Variants in CT55 observed in about 807,000 individuals in gnomAD.
CT55 encodes BRCA2-interacting protein.
CT55 carries 1 observed loss-of-function variant against 12.6 expected under a neutral mutation model. The observed-to-expected ratio is 0.08, with a 90% confidence interval of 0.03 to 0.38. CT55 has a LOEUF of 0.38. CT55 is among the 10% of genes least tolerant of loss of function. The pLI, the probability that CT55 is intolerant of heterozygous loss-of-function variation, is 0.99. For missense variants in CT55, 109 were observed against 135.4 expected (o/e 0.80, Z 0.97); for synonymous variants, 43 against 49.7 (o/e 0.87, Z 0.57).
intron 2 of CT55, among the ~76,000 whole-genome samples, chrX:135,161,857 G>A (rs1483650323): frequency 8.9e-6 from 1 of 112,502 alleles, no homozygotes; most frequent in Non-Finnish European, 1.9e-5. Context: ...ATGAAGGAAT[G>A]AGGCATTAGC....
chrX:135,170,311 A>G (rs2083605520), intron 1 of CT55, among the ~76,000 whole-genome samples: 1 of 112,635 alleles, frequency 8.9e-6, no homozygotes. Context: ...CCAGCTTACG[A>G]ATATTAACTG....
chrX:135,171,244 G>A lies in CT55; in HGVS notation c.-73C>T. On this transcript the variant is annotated 5_prime_UTR_variant, in exon 1 of 6. Coordinates refer to ENST00000276241, the MANE Select transcript of CT55 (RefSeq NM_001031705.3). ...GCACGAGGCCTCCTCAGTAAGGGAA[G>A]CCCTCAGGTCACGGCGTCTCCTCAG... is the stretch of plus-strand genomic sequence containing the variant. 4 of 1,190,673 alleles carry A rather than the reference G, an allele frequency of 3.4e-6. No homozygotes were observed.
At chrX:135,165,289 T>C (rs2083578672) in intron 2 of CT55, among the ~76,000 whole-genome samples, 1 of 111,830 alleles carries the variant, frequency 8.9e-6, no homozygotes, top group African/African-American at 3.3e-5. Flanking sequence ...CTTTGGAAAC[T>C]TTAGAAGTGG....
intron 3 of CT55, among the ~76,000 whole-genome samples, chrX:135,159,437 T>C (rs782690478): frequency 3.9e-4 from 43 of 111,461 alleles, no homozygotes; most frequent in Non-Finnish European, 7.0e-4. Context: ...GTCGTCTACA[T>C]CACAAACTGG....
At chrX:135,161,418 G>A (rs1235696723) in intron 2 of CT55, among the ~76,000 whole-genome samples, 1 of 112,038 alleles carries the variant, frequency 8.9e-6, no homozygotes, top group African/African-American at 3.2e-5. Context: ...TCATCCTGAT[G>A]TTTTTGTCTG....
intron 2 of CT55, among the ~76,000 whole-genome samples, chrX:135,166,470 G>A (rs2083585769): frequency 9.0e-6 from 1 of 111,380 alleles, no homozygotes; most frequent in Non-Finnish European, 1.9e-5. Flanking sequence ...CACAATAAAG[G>A]TCATATATGA....
intron 2 of CT55, 99 bp downstream of exon 2, chrX:135,169,495 G>C: frequency 1.6e-6 from 1 of 636,450 alleles, no homozygotes; most frequent in Non-Finnish European, 2.4e-6. Context: ...TCCACTCTAC[G>C]GATCACAGCA....
At chrX:135,170,769 C>T (rs1188379384) in intron 1 of CT55, among the ~76,000 whole-genome samples, 3 of 111,483 alleles carry the variant, frequency 2.7e-5, no homozygotes, top group Non-Finnish European at 5.7e-5. Context: ...GGGAGTTTCT[C>T]GCCTACTGGA....
Position 135,169,992 on chromosome X carries a change from A to G in CT55, c.95-214T>C, listed in dbSNP as rs782655467. 2.7e-5 allele frequency among the ~76,000 whole-genome samples: 3 copies of G among 111,851 alleles called. No individual in the cohort carries two copies. In the East Asian group the frequency reaches 8.4e-4, roughly 31 times the overall value. ...ATTTTTAAAAATTTATTAAAATTTA[A>G]AAATTTTAATTTTTAATTATTTTTT... On this transcript the variant is annotated intron_variant, in intron 1 of 5. Transcript: ENST00000276241.
chrX:135,168,557 A>T (rs1392703457), intron 2 of CT55, among the ~76,000 whole-genome samples: 5 of 111,279 alleles, frequency 4.5e-5, no homozygotes, highest in Admixed American at 3.8e-4. Context: ...TGGATAAGTG[A>T]TTTCCTGGAG....
chrX:135,166,363 T>C (rs2083585363), intron 2 of CT55, among the ~76,000 whole-genome samples: 1 of 111,424 alleles, frequency 9.0e-6, no homozygotes. Flanking sequence ...AAGCCATAGG[T>C]TCATTCCAAT....
At chrX:135,162,604 C>T (rs1556405348) in intron 2 of CT55, among the ~76,000 whole-genome samples, 2 of 111,760 alleles carry the variant, frequency 1.8e-5, no homozygotes, top group African/African-American at 6.5e-5. Context: ...ATCACCCCTT[C>T]CCCGACCTTC....
chrX:135,161,241 T>C (rs1172040157), intron 2 of CT55, among the ~76,000 whole-genome samples: 39 of 111,647 alleles, frequency 3.5e-4, no homozygotes, highest in African/African-American at 1.2e-3. Flanking sequence ...TTGTTGGAAG[T>C]GTAATAGTCC....
chrX:135,161,814 A>T (rs146173942), intron 2 of CT55, among the ~76,000 whole-genome samples: 2,644 of 112,345 alleles, frequency 0.024, 22 homozygotes, highest in Non-Finnish European at 0.034. Flanking sequence ...TGTCAATACC[A>T]ATCTGATGTT....
intron 2 of CT55, among the ~76,000 whole-genome samples, chrX:135,163,901 T>A (rs782241696): frequency 9.0e-6 from 1 of 110,625 alleles, no homozygotes; most frequent in African/African-American, 3.3e-5. Flanking sequence ...GAGAGTAGTA[T>A]AGTATACTTT....
chrX:135,165,293 G>A (rs1460631860), intron 2 of CT55, among the ~76,000 whole-genome samples: 1 of 112,039 alleles, frequency 8.9e-6, no homozygotes, highest in Non-Finnish European at 1.9e-5. Flanking sequence ...GGAAACTTTA[G>A]AAGTGGATGG....
intron 2 of CT55, among the ~76,000 whole-genome samples, chrX:135,164,380 C>T (rs868968619): frequency 9.0e-6 from 1 of 111,500 alleles, no homozygotes. Context: ...ATTATGTTTC[C>T]GTAAGCCTCA....
intron 1 of CT55, among the ~76,000 whole-genome samples, chrX:135,170,194 A>G (rs1475210201): frequency 1.8e-5 from 2 of 109,871 alleles, no homozygotes; most frequent in South Asian, 4.0e-4. Flanking sequence ...GTTAATAGAG[A>G]CGGGGTTTTG....
At position 135,171,396 on chromosome X, in the gene CT55, T is replaced by G. The variant is rs1447432134; in HGVS notation, c.-225A>C. On this transcript the variant is annotated 5_prime_UTR_variant, in exon 1 of 6. Transcript: ENST00000276241. ...CCCAGCTTCTCCGCTGACTTCTCCC[T>G]CTGAGCATGCGCTCGTCAGGGCCCG... 1.7e-6 allele frequency: 1 copy of G among 599,514 alleles called. No homozygotes were observed. Among genetic ancestry groups the G allele is most frequent in the Non-Finnish European group, 2.4e-6 (1 of 419,111 alleles). 49.4% of individuals were successfully genotyped at this position (599,514 alleles called of 1,213,427 possible).
Sources: allele counts gnomAD v4.1 joint callset (sites outside exome capture counted in the v4.1 genomes callset), GRCh38; gene constraint gnomAD v4.1.1; transcripts MANE v1.5; gene names NCBI Gene and HGNC (gene_info 2026-07-23, HGNC 2026-07-21).